Variants in EEF1AKMT2 observed in about 807,000 individuals in gnomAD.
EEF1AKMT2 encodes EEF1A lysine methyltransferase 2, also known as eukaryotic translation elongation factor 1 alpha lysine methyltransferase 2.
A neutral mutation model predicts 35.8 loss-of-function variants in EEF1AKMT2; 32 were observed. The ratio of observed to expected loss-of-function variants is 0.89; its 90% CI spans 0.67 to 1.20. The LOEUF is 1.20. Ranked by LOEUF, EEF1AKMT2 falls within the 50% of genes most tolerant of loss-of-function variation. The pLI, the probability that EEF1AKMT2 is intolerant of heterozygous loss-of-function variation, is 0.00. For missense variants in EEF1AKMT2, 330 were observed against 347.5 expected, an observed-to-expected ratio of 0.95 and a Z score of 0.40; for synonymous variants, 121 against 133.7, an observed-to-expected ratio of 0.91 and a Z score of 0.65.
intron 4 of EEF1AKMT2, among the ~76,000 whole-genome samples, chr10:124,770,599 A>G (rs1950424203): frequency 6.6e-6 from 1 of 152,200 alleles, no homozygotes; most frequent in South Asian, 2.1e-4. Context: ...AGACAGTAAT[A>G]AAGTTTGCCG....
At chr10:124,771,466 T>C (rs1298005397) in intron 4 of EEF1AKMT2, among the ~76,000 whole-genome samples, 1 of 152,118 alleles carries the variant, frequency 6.6e-6, no homozygotes, top group Non-Finnish European at 1.5e-5. Flanking sequence ...ATGACATCCA[T>C]AGCCTTATGA....
In EEF1AKMT2 at chr10:124,759,555, TAGG is replaced by T. The variant is rs923583575; in HGVS notation, c.*945_*947del. ...TAAGCACCTGTGAGGCAGAATATGC[TAGG>T]AGAAGAGTATGTGTTTTAAAGTCAG... On this transcript the variant is annotated 3_prime_UTR_variant, in exon 7 of 7. Coordinates refer to ENST00000368836, the MANE Select transcript of EEF1AKMT2 (RefSeq NM_212554.4). 1.9e-4 allele frequency: 29 copies of T among 152,236 alleles called. No homozygotes were observed. The highest frequency in any genetic ancestry group is 6.5e-4 in the African/African-American group (27 of 41,460). The allele number at this position is 152,236 out of a possible 1,614,324, so 9.4% of individuals were successfully genotyped here. A position where few individuals can be genotyped will look rare whatever the true frequency, so the allele number is the denominator to read the frequency against.
chr10:124,784,661 T>C (rs1239893398), intron 3 of EEF1AKMT2, among the ~76,000 whole-genome samples: 1 of 150,628 alleles, frequency 6.6e-6, no homozygotes, highest in Non-Finnish European at 1.5e-5. Flanking sequence ...CAGGGCAGGG[T>C]GGCTCACGCC....
At chr10:124,788,727 T>C (rs1035274352) in intron 3 of EEF1AKMT2, among the ~76,000 whole-genome samples, 1 of 144,452 alleles carries the variant, frequency 6.9e-6, no homozygotes, top group Non-Finnish European at 1.5e-5. Context: ...TATATATATA[T>C]ATGCATTTCT....
intron 4 of EEF1AKMT2, among the ~76,000 whole-genome samples, chr10:124,772,422 T>C (rs1014259242): frequency 6.7e-5 from 1 of 14,954 alleles, no homozygotes. Flanking sequence ...TTCTTTTTCT[T>C]TTTTTTTTTT....
chr10:124,772,900 A>G (rs1183081727), intron 4 of EEF1AKMT2, among the ~76,000 whole-genome samples: 2 of 152,150 alleles, frequency 1.3e-5, no homozygotes, highest in African/African-American at 2.4e-5. Context: ...TTCTATCTGG[A>G]GCACTAAAAC....
At chr10:124,769,487 A>G (rs1950410330) in intron 4 of EEF1AKMT2, among the ~76,000 whole-genome samples, 1 of 152,000 alleles carries the variant, frequency 6.6e-6, no homozygotes, top group African/African-American at 2.4e-5. Flanking sequence ...AGATTTTACA[A>G]GCATCCCTCA....
chr10:124,769,137 G>A (rs533804962), intron 4 of EEF1AKMT2, among the ~76,000 whole-genome samples: 1 of 147,766 alleles, frequency 6.8e-6, no homozygotes, highest in Non-Finnish European at 1.5e-5. Flanking sequence ...AGAATCACTT[G>A]AGCCCAGGAG....
chr10:124,783,314 T>C (rs1295908396), intron 3 of EEF1AKMT2, among the ~76,000 whole-genome samples: 2 of 151,862 alleles, frequency 1.3e-5, no homozygotes, highest in Non-Finnish European at 2.9e-5. Flanking sequence ...GGCTAATTTT[T>C]GTATCTTTTG....
At chr10:124,790,460 TAATA>T in intron 1 of EEF1AKMT2, 122 bp from the exon 2 acceptor site, 1 of 698,776 alleles carries the variant, frequency 1.4e-6, no homozygotes, top group Non-Finnish European at 2.5e-6. Context: ...CTAGTGTTAT[TAATA>T]AATACACATA....
At chr10:124,771,729 T>C (rs1950438672) in intron 4 of EEF1AKMT2, among the ~76,000 whole-genome samples, 5 of 151,632 alleles carry the variant, frequency 3.3e-5, no homozygotes, top group African/African-American at 9.7e-5. Flanking sequence ...ATTAGCCAGG[T>C]GTGGTGGCAG....
At chr10:124,791,078 T>C (rs1358512646) in intron 1 of EEF1AKMT2, among the ~76,000 whole-genome samples, 2 of 152,186 alleles carry the variant, frequency 1.3e-5, no homozygotes, top group South Asian at 2.1e-4. Flanking sequence ...TGAATCCTTT[T>C]CATTTGCCGT....
At chr10:124,763,469 C>T (rs570753966) in intron 5 of EEF1AKMT2, among the ~76,000 whole-genome samples, 11 of 152,236 alleles carry the variant, frequency 7.2e-5, no homozygotes, top group African/African-American at 2.6e-4. Flanking sequence ...TTGGCAGTGA[C>T]GCAAGGCAGT....
intron 4 of EEF1AKMT2, among the ~76,000 whole-genome samples, chr10:124,767,669 G>A (rs1410650412): frequency 6.6e-6 from 1 of 152,092 alleles, no homozygotes; most frequent in African/African-American, 2.4e-5. Flanking sequence ...TGACTTGGAA[G>A]AGAAACAGTT....
chr10:124,771,288 A>G (rs1162387172), intron 4 of EEF1AKMT2, among the ~76,000 whole-genome samples: 1 of 151,658 alleles, frequency 6.6e-6, no homozygotes, highest in Non-Finnish European at 1.5e-5. Flanking sequence ...TTTAGTAGAG[A>G]TGGGGTTTCA....
intron 1 of EEF1AKMT2, 73 bp from the exon 2 acceptor site, chr10:124,790,411 T>G: frequency 9.4e-7 from 1 of 1,060,740 alleles, no homozygotes; most frequent in South Asian, 1.3e-5. Flanking sequence ...ATGTTTCTAA[T>G]ACATTACAGA....
At chr10:124,771,180 A>G (rs868809736) in intron 4 of EEF1AKMT2, among the ~76,000 whole-genome samples, 1 of 151,908 alleles carries the variant, frequency 6.6e-6, no homozygotes, top group Non-Finnish European at 1.5e-5. Context: ...GCTCACTGCA[A>G]GCTCCGCCTC....
intron 3 of EEF1AKMT2, among the ~76,000 whole-genome samples, chr10:124,776,143 G>T (rs1457490720): frequency 6.6e-6 from 1 of 151,884 alleles, no homozygotes; most frequent in Non-Finnish European, 1.5e-5. Flanking sequence ...GGATGGTCTT[G>T]ATCTCCTGAC....
At chr10:124,757,561 G>A (rs1197082608), downstream of EEF1AKMT2, among the ~76,000 whole-genome samples, 1 of 152,140 alleles carries the variant, frequency 6.6e-6, no homozygotes, top group African/African-American at 2.4e-5. Context: ...CTTAAAAATT[G>A]AGGTTTCTAT....
Sources: gnomAD v4.1 joint callset for allele counts (sites outside exome capture counted in the v4.1 genomes callset) on GRCh38, gnomAD v4.1.1 for gene constraint, MANE v1.5 for transcripts, NCBI Gene and HGNC (gene_info 2026-07-23, HGNC 2026-07-21) for gene names.